Variants in STAT6 observed in about 807,000 individuals in gnomAD.
STAT6 encodes STAT, interleukin4-induced.
In STAT6, 45 loss-of-function variants were observed where a neutral mutation model predicts 106.3. The observed-to-expected ratio is 0.42, with a 90% confidence interval of 0.33 to 0.54. The LOEUF (loss-of-function observed/expected upper bound fraction) is 0.54. Among genes scored for constraint, STAT6 ranks in the 20% least tolerant of loss-of-function variants. The probability of loss-of-function intolerance (pLI) is 0.06; values close to 1 mark genes in which losing one functional copy is unlikely to be tolerated. For missense variants in STAT6, 797 were observed against 1,062.2 expected, an observed-to-expected ratio of 0.75 and a Z score of 3.47; for synonymous variants, 413 against 413.6, an observed-to-expected ratio of 1.00 and a Z score of 0.02.
chr12:57,105,398 C>A, intron 8 of STAT6, 59 bp from the exon 9 acceptor site: 1 of 1,608,574 alleles, frequency 6.2e-7, no homozygotes, highest in Non-Finnish European at 8.5e-7. Flanking sequence ...GTGCCCTCCC[C>A]ACAGCTCTAG....
intron 18 of STAT6, 42 bp from the exon 19 acceptor site, chr12:57,098,639 T>C: frequency 1.3e-6 from 2 of 1,599,568 alleles, no homozygotes; most frequent in Non-Finnish European, 1.7e-6. Flanking sequence ...GCCCTTCTCC[T>C]GGACACCACC....
rs188884452 is a variant in STAT6 at position 57,108,229 on chromosome 12, C to T, written c.50G>A (p.Arg17Gln). 8.1e-6 allele frequency: 13 copies of T among 1,613,166 alleles called. No individual in the cohort carries two copies. Among genetic ancestry groups the T allele is most frequent in the African/African-American group, 8.0e-5 (6 of 75,040 alleles). Residue 17 changes from arginine (R) to glutamine (Q), a missense_variant, in exon 2 of 22, where the codon CGG (arginine) becomes CAG (glutamine). Arg to Gln is a conservative substitution (Grantham distance 43). Around this residue, in one of 4 missense-constraint regions of STAT6, gnomAD observed 336 missense variants for 429.8 expected, o/e 0.78. Transcript: ENST00000300134. ...VSKMPPEKVQ[R>Q]LYVDFPQHLR... Reference sequence around the variant, plus strand: ...GTGTTGGGGAAAGTCGACATAGAGCCGCTGCACTTTTTCTGGGGGCATCTT... The same window carrying T: ...GTGTTGGGGAAAGTCGACATAGAGCTGCTGCACTTTTTCTGGGGGCATCTT...
rs781522387 is a variant in STAT6, at chr12:57,108,186, A to C, written c.93T>G (p.Gly31=). 5 of 1,611,834 alleles carry C rather than the reference A, an allele frequency of 3.1e-6. No homozygotes were observed. The South Asian group carries it at 4.4e-5, about 14-fold the overall frequency. The change falls in exon 2 of 22, where the codon GGT becomes GGG. Residue 31 remains glycine (G), a synonymous_variant. Coordinates refer to ENST00000300134, the MANE Select transcript of STAT6 (RefSeq NM_003153.5). The part of the protein sequence containing the change: ...DFPQHLRHLL[G]DWLESQPWEF... Reference sequence around the variant, plus strand: ...ACCAGGGCTGGCTCTCCAGCCAGTCACCCAGAAGATGCCGCAGGTGTTGGG... The same window carrying C: ...ACCAGGGCTGGCTCTCCAGCCAGTCCCCCAGAAGATGCCGCAGGTGTTGGG...
At position 57,099,621 on chromosome 12, in the gene STAT6, C is replaced by T; in HGVS notation, c.1744+146G>A. The T allele has an allele frequency of 7.1e-7, 1 of 1,406,614 alleles. No homozygotes were observed. The highest frequency in any genetic ancestry group is 9.6e-7 in the Non-Finnish European group (1 of 1,037,088). 87.1% of individuals were successfully genotyped at this position (1,406,614 alleles called of 1,614,324 possible). On this transcript the variant is annotated intron_variant, in intron 15 of 21. Coordinates refer to ENST00000300134, the MANE Select transcript of STAT6 (RefSeq NM_003153.5). The surrounding 1 kb of genome is among the most constrained non-coding windows in gnomAD (Gnocchi z 4.7). ...ACAGAGCTCACAGTGAGAAGGTGAA[C>T]ATTTAGACCACAGAAGGAAGAAGAG...
In STAT6 at chr12:57,104,476, G is replaced by A; in HGVS notation, c.1200C>T (p.Pro400=). ...ASFTLGPGKL[P]IQLQALSLPL... ...GGCCACGGTTCACCTGGAGCTGGAT[G>A]GGGAGTTTGCCGGGGCCAAGTGTGA... The change falls in exon 11 of 22, where the codon CCC becomes CCT. Residue 400 remains proline (P), a synonymous_variant. Coordinates refer to ENST00000300134, the MANE Select transcript of STAT6 (RefSeq NM_003153.5). The A allele has an allele frequency of 2.5e-6, 4 of 1,609,024 alleles. No individual in the cohort carries two copies. The highest frequency in any genetic ancestry group is 1.1e-5 in the South Asian group (1 of 90,138).
chr12:57,106,856 G>A (rs2034313908), intron 4 of STAT6, 25 bp from the exon 5 acceptor site: 1 of 1,612,320 alleles, frequency 6.2e-7, no homozygotes, highest in Non-Finnish European at 8.5e-7. Flanking sequence ...CAGATGCCAA[G>A]AAGTGAAACA....
At chr12:57,102,594 C>A (rs1351674706) in intron 12 of STAT6, 98 bp from the exon 13 acceptor site, 4 of 1,282,634 alleles carry the variant, frequency 3.1e-6, no homozygotes, top group Non-Finnish European at 4.4e-6. Flanking sequence ...CCTACCCCTC[C>A]ACAGCCCCTG....
chr12:57,098,566 T>G lies in STAT6; in HGVS notation c.2098A>C (p.Ile700Leu), dbSNP rs765520388. ...GGGGAGAGGCCTTGATACGGGGGGA[T>G]GGAGTGAGAGTGTGGTGGGTACACC... ...PQVYPPHSHSIPPYQGLSPEE... is the reference protein window; with the variant it reads ...PQVYPPHSHSLPPYQGLSPEE... Residue 700 changes from isoleucine to leucine, a missense_variant, in exon 19 of 22, where the codon ATC becomes CTC. This residue lies in a region of STAT6 where 226 missense variants were observed against 236.7 expected (regional missense o/e 0.95). Coordinates refer to ENST00000300134, the MANE Select transcript of STAT6 (RefSeq NM_003153.5). 6.2e-7 allele frequency: 1 copy of G among 1,613,936 alleles called. No homozygotes were observed. The highest frequency in any genetic ancestry group is 1.3e-5 in the African/African-American group (1 of 74,868).
At position 57,097,112 on chromosome 12, in the gene STAT6, G is replaced by T. The variant is rs774413695; in HGVS notation, c.2181C>A (p.Pro727=). ...AGGGCAGGCTCATCTGGCCCAGGCT[G>T]GGGGGCATCTGCAGGTGAGGCCTGG... ...AFQEPHLQMP[P]SLGQMSLPFD... is the part of the protein sequence containing the mutation. Residue 727 remains proline, a synonymous_variant, in exon 20 of 22, where the codon CCC becomes CCA. Transcript: ENST00000300134. 3.3e-6 allele frequency: 5 copies of T among 1,517,462 alleles called. No homozygotes were observed. In the African/African-American group the frequency reaches 4.2e-5, roughly 13 times the overall value. The allele number at this position is 1,517,462 out of a possible 1,614,324, so 94.0% of individuals were successfully genotyped here. A position where few individuals can be genotyped will look rare whatever the true frequency, so the allele number is the denominator to read the frequency against.
At position 57,099,563 on chromosome 12, in the gene STAT6, C is replaced by T; in HGVS notation, c.1745-123G>A. 4 of 1,440,556 alleles carry T rather than the reference C, an allele frequency of 2.8e-6. No individual in the cohort carries two copies. Among genetic ancestry groups the T allele is most frequent in the Non-Finnish European group, 3.8e-6 (4 of 1,053,660 alleles). The allele number at this position is 1,440,556 out of a possible 1,614,324, so 89.2% of individuals were successfully genotyped here. A position where few individuals can be genotyped will look rare whatever the true frequency, so the allele number is the denominator to read the frequency against. On this transcript the variant is annotated intron_variant, in intron 15 of 21. Coordinates refer to ENST00000300134, the MANE Select transcript of STAT6 (RefSeq NM_003153.5). This position sits in a 1 kb window ranked among gnomAD's most constrained non-coding sequence, Gnocchi z 4.7. ...GGAGAGAGGACCTAGGGTGGGGCTC[C>T]TGAGGGAGAGAGACCCACTAGTCTC... is the stretch of plus-strand genomic sequence containing the variant.
At chr12:57,105,677 G>T in intron 7 of STAT6, 78 bp from the exon 8 acceptor site, 2 of 1,529,244 alleles carry the variant, frequency 1.3e-6, no homozygotes, top group East Asian at 2.3e-5. Context: ...CCTATACCCA[G>T]GGAGAAAGGC....
rs181812094 is a variant in STAT6, at chr12:57,105,701, G to A, written c.681-102C>T. ...AGGGAGAAAGGCTATCATGTGTGGA[G>A]AAGTGGGGTGGGTAGTGGGTGTGGC... On this transcript the variant is annotated intron_variant, in intron 7 of 21. Coordinates refer to ENST00000300134, the MANE Select transcript of STAT6 (RefSeq NM_003153.5). The A allele has an allele frequency of 4.1e-6, 6 of 1,473,388 alleles. No individual in the cohort carries two copies. In the Admixed American group the frequency reaches 1.1e-4, roughly 28 times the overall value. 91.3% of individuals were successfully genotyped at this position (1,473,388 alleles called of 1,614,324 possible). A position where few individuals can be genotyped will look rare whatever the true frequency, so the allele number is the denominator to read the frequency against.
At chr12:57,111,063 C>T (rs117903488) in intron 1 of STAT6, 66 bp downstream of exon 1, 628 of 152,062 alleles carry the variant, frequency 4.1e-3, no homozygotes, top group Middle Eastern at 0.017. Context: ...CCGAGAGCTC[C>T]CCCCACGAAT....
chr12:57,107,285 C>A lies in STAT6; in HGVS notation c.285G>T (p.Leu95=). 1 of 1,614,194 alleles carries A rather than the reference C, an allele frequency of 6.2e-7. No individual in the cohort carries two copies. The highest frequency in any genetic ancestry group is 1.1e-5 in the South Asian group (1 of 91,090). ...GAAGTATTTGTCTGAAAGTGGCCACCAGCTTCAGGGGGTCCCTCTGATATA... is the reference window on the plus strand; with the variant it reads ...GAAGTATTTGTCTGAAAGTGGCCACAAGCTTCAGGGGGTCCCTCTGATATA... The part of the protein sequence containing the change: ...ESIYQRDPLK[L]VATFRQILQG... Residue 95 remains leucine (L), a synonymous_variant, in exon 4 of 22, where the codon CTG becomes CTT. Coordinates refer to ENST00000300134, the MANE Select transcript of STAT6 (RefSeq NM_003153.5).
chr12:57,111,126 C>T lies in STAT6; in HGVS notation c.-22+3G>A, dbSNP rs1281172016. 1.3e-5 allele frequency: 2 copies of T among 152,104 alleles called. No homozygotes were observed. Among genetic ancestry groups the T allele is most frequent in the African/African-American group, 4.8e-5 (2 of 41,250 alleles). The allele number at this position is 152,104 out of a possible 1,614,324, so 9.4% of individuals were successfully genotyped here. ...CGCACCCACCTCGGAGGCAACCCCT[C>T]ACCTCGGCAACCCCTCTGCTGTCTT... On this transcript the variant is annotated splice_donor_region_variant and intron_variant, in intron 1 of 21. Transcript: ENST00000300134.
intron 6 of STAT6, 28 bp downstream of exon 6, chr12:57,106,500 G>A: frequency 1.9e-6 from 3 of 1,613,368 alleles, no homozygotes; most frequent in African/African-American, 2.7e-5. Context: ...CTTTGACCAA[G>A]GTCTCCACCT....
intron 13 of STAT6, among the ~76,000 whole-genome samples, 185 bp from the exon 14 acceptor site, chr12:57,100,275 C>G (rs546605914): frequency 6.6e-6 from 1 of 152,250 alleles, no homozygotes; most frequent in African/African-American, 2.4e-5. Context: ...CTATTTCAAG[C>G]CTTTCCATAT....
chr12:57,105,103 C>T, intron 9 of STAT6, 48 bp downstream of exon 9: 1 of 1,564,778 alleles, frequency 6.4e-7, no homozygotes, highest in Non-Finnish European at 8.7e-7. Context: ...AGGCTGCCTC[C>T]ATCACCCTAA....
chr12:57,105,827 G>A, intron 7 of STAT6: 1 of 766,790 alleles, frequency 1.3e-6, no homozygotes, highest in Non-Finnish European at 2.0e-6. Context: ...AAACCCAGCT[G>A]CCTCTCCCCC....
Sources: gnomAD v4.1 joint callset for allele counts (sites outside exome capture counted in the v4.1 genomes callset) on GRCh38, gnomAD v4.1.1 for gene constraint, gnomAD v4.1.1 regional missense constraint, Gnocchi (gnomAD v3.1) non-coding constraint, MANE v1.5 for transcripts, NCBI Gene and HGNC (gene_info 2026-07-23, HGNC 2026-07-21) for gene names.